Variants in CENPP observed in about 807,000 individuals in gnomAD.
The protein encoded by CENPP is centromere protein P.
A neutral mutation model predicts 35.6 loss-of-function variants in CENPP; 24 were observed. That is an observed-to-expected ratio of 0.67 (90% CI 0.49 to 0.95). The LOEUF (loss-of-function observed/expected upper bound fraction) is 0.95. Ranked by LOEUF, CENPP falls within the 40% of genes least tolerant of loss-of-function variation. CENPP has a pLI of 0.00. For synonymous variants in CENPP, 120 were observed against 125.5 expected, an observed-to-expected ratio of 0.96 and a Z score of 0.29; for missense variants, 332 against 345.3, an observed-to-expected ratio of 0.96 and a Z score of 0.31.
At chr9:92,431,322 C>A (rs1844103440) in intron 5 of CENPP, among the ~76,000 whole-genome samples, 1 of 152,112 alleles carries the variant, frequency 6.6e-6, no homozygotes, top group Non-Finnish European at 1.5e-5. Flanking sequence ...CTTTGACATG[C>A]CTGTCGATTG....
At chr9:92,378,100 G>A (rs1842164258) in intron 4 of CENPP, among the ~76,000 whole-genome samples, 1 of 152,100 alleles carries the variant, frequency 6.6e-6, no homozygotes, top group Admixed American at 6.6e-5. Flanking sequence ...GTGTCAGTTG[G>A]GGCTAGCTGA....
At chr9:92,474,256 T>G (rs1845628291) in intron 5 of CENPP, among the ~76,000 whole-genome samples, 1 of 152,236 alleles carries the variant, frequency 6.6e-6, no homozygotes, top group Non-Finnish European at 1.5e-5. Context: ...GTTCTAGACA[T>G]GCAGCTTATT....
chr9:92,562,961 T>C (rs1289511162), intron 5 of CENPP, among the ~76,000 whole-genome samples: 1 of 152,216 alleles, frequency 6.6e-6, no homozygotes. Context: ...ATCATTTTCA[T>C]TTCCATTAGA....
intron 5 of CENPP, chr9:92,466,365 G>A (rs144954352): frequency 1.1e-4 from 180 of 1,594,338 alleles, no homozygotes; most frequent in Non-Finnish European, 1.1e-4. Context: ...TACCCAAAAC[G>A]TGTAAAGCAT....
chr9:92,344,240 G>T (rs1841211293), intron 3 of CENPP, among the ~76,000 whole-genome samples: 1 of 152,114 alleles, frequency 6.6e-6, no homozygotes, highest in Non-Finnish European at 1.5e-5. Context: ...TTTGAAGTCA[G>T]CTTTTGAGTT....
intron 5 of CENPP, among the ~76,000 whole-genome samples, chr9:92,602,521 A>G (rs564256098): frequency 4.3e-4 from 65 of 152,290 alleles, no homozygotes; most frequent in African/African-American, 1.5e-3. Context: ...AGATTCAGCA[A>G]TCTGTGGTGC....
intron 5 of CENPP, among the ~76,000 whole-genome samples, chr9:92,608,541 GTTGTA>G (rs1851144905): frequency 6.6e-6 from 1 of 152,176 alleles, no homozygotes. Context: ...TCTGTCTTGA[GTTGTA>G]TTGTATATAA....
At chr9:92,443,590 G>A (rs1350126146) in intron 5 of CENPP, among the ~76,000 whole-genome samples, 1 of 152,032 alleles carries the variant, frequency 6.6e-6, no homozygotes, top group Non-Finnish European at 1.5e-5. Flanking sequence ...ATATGGAAAT[G>A]CAAAGGACCT....
chr9:92,336,401 G>C (rs1043743964), intron 2 of CENPP, among the ~76,000 whole-genome samples: 1 of 152,016 alleles, frequency 6.6e-6, no homozygotes, highest in African/African-American at 2.4e-5. Context: ...CATAATACCC[G>C]TCTCGTATTC....
intron 5 of CENPP, among the ~76,000 whole-genome samples, chr9:92,475,582 C>A (rs1433883490): frequency 1.3e-5 from 2 of 152,136 alleles, no homozygotes; most frequent in Non-Finnish European, 2.9e-5. Flanking sequence ...ACTCTGTATT[C>A]CCAAAATCTT....
intron 5 of CENPP, chr9:92,511,941 C>T: frequency 3.3e-6 from 4 of 1,194,318 alleles, no homozygotes; most frequent in Non-Finnish European, 4.8e-6. Context: ...TCCTCCCTTC[C>T]CCATCTCCAA....
intron 4 of CENPP, among the ~76,000 whole-genome samples, chr9:92,374,942 TGA>T (rs970032387): frequency 6.6e-5 from 10 of 152,196 alleles, no homozygotes; most frequent in Admixed American, 1.3e-4. Context: ...ATTGCATTTG[TGA>T]GAGAGAGTTT....
intron 5 of CENPP, among the ~76,000 whole-genome samples, chr9:92,519,582 G>T (rs1372945035): frequency 6.6e-6 from 1 of 152,210 alleles, no homozygotes; most frequent in Non-Finnish European, 1.5e-5. Context: ...TCAACAACTA[G>T]TGCTGGGACA....
chr9:92,474,068 C>T (rs559788040), intron 5 of CENPP, among the ~76,000 whole-genome samples: 3 of 152,238 alleles, frequency 2.0e-5, no homozygotes, highest in South Asian at 4.1e-4. Flanking sequence ...CTTGAGTGCT[C>T]CTTCATTAGA....
intron 5 of CENPP, among the ~76,000 whole-genome samples, chr9:92,483,857 G>A (rs1393753200): frequency 2.6e-5 from 4 of 152,152 alleles, no homozygotes; most frequent in African/African-American, 9.7e-5. Context: ...CAGGCAGCTC[G>A]GTAGTCCCAT....
At chr9:92,403,569 C>G (rs1843206640) in intron 5 of CENPP, 1 of 1,293,450 alleles carries the variant, frequency 7.7e-7, no homozygotes, top group African/African-American at 1.5e-5. Flanking sequence ...GGCCAGAGAA[C>G]AGTATTTAAC....
chr9:92,510,359 C>A (rs981260940), intron 5 of CENPP, among the ~76,000 whole-genome samples: 1 of 152,206 alleles, frequency 6.6e-6, no homozygotes, highest in Non-Finnish European at 1.5e-5. Context: ...AGGTTTCCAC[C>A]TTTACAGCAA....
Position 92,421,990 on chromosome 9 carries a change from TTGA to T in CENPP, c.564+42136_564+42138del, listed in dbSNP as rs201262470. ...GAATATTCTATACATTTTATACTCA[TTGA>T]TGATATTTTATGTATAATTTTATAA... On this transcript the variant is annotated intron_variant, in intron 5 of 7. Transcript: ENST00000375587. Among the ~76,000 whole-genome samples, 1,065 of 152,260 alleles carry T rather than the reference TTGA, an allele frequency of 7.0e-3. 11 individuals are homozygous for T. The highest frequency in any genetic ancestry group is 0.022 in the African/African-American group (894 of 41,542).
intron 5 of CENPP, among the ~76,000 whole-genome samples, chr9:92,472,106 C>T (rs1255149432): frequency 6.6e-6 from 1 of 152,022 alleles, no homozygotes; most frequent in Non-Finnish European, 1.5e-5. Context: ...AATCCCAGCA[C>T]TTTGGGAGGC....
Sources: gnomAD v4.1 joint callset for allele counts (sites outside exome capture counted in the v4.1 genomes callset) on GRCh38, gnomAD v4.1.1 for gene constraint, MANE v1.5 for transcripts, NCBI Gene and HGNC (gene_info 2026-07-23, HGNC 2026-07-21) for gene names.